Variants in WDPCP observed in about 807,000 individuals in gnomAD.
The protein encoded by WDPCP is WD repeat containing planar cell polarity effector.
Under a neutral mutation model 93.1 loss-of-function variants are expected in WDPCP, and 71 were observed. The ratio of observed to expected loss-of-function variants is 0.76; its 90% CI spans 0.63 to 0.93. The LOEUF (loss-of-function observed/expected upper bound fraction) is 0.93, where lower values mean the gene tolerates loss of function less well. Among genes scored for constraint, WDPCP ranks in the 40% least tolerant of loss-of-function variants. The pLI, the probability that WDPCP is intolerant of heterozygous loss-of-function variation, is 0.00. For missense variants in WDPCP, 844 were observed against 887.4 expected, an observed-to-expected ratio of 0.95 and a Z score of 0.62; for synonymous variants, 315 against 315.0, an observed-to-expected ratio of 1.00 and a Z score of 0.00.
At chr2:63,530,070 T>C (rs1197111009) in intron 1 of WDPCP, among the ~76,000 whole-genome samples, 1 of 152,208 alleles carries the variant, frequency 6.6e-6, no homozygotes, top group East Asian at 1.9e-4. Flanking sequence ...TTTTATTGCA[T>C]CTGTTTGATT....
intron 1 of WDPCP, among the ~76,000 whole-genome samples, chr2:63,568,946 CAA>C (rs1707277328): frequency 1.3e-5 from 2 of 152,154 alleles, no homozygotes; most frequent in Admixed American, 6.5e-5. Flanking sequence ...GGTCTTTGAA[CAA>C]ATTTTGCTTC....
chr2:63,800,465 A>T (rs912839712), intron 2 of WDPCP, among the ~76,000 whole-genome samples: 8 of 152,204 alleles, frequency 5.3e-5, no homozygotes, highest in Non-Finnish European at 1.2e-4. Flanking sequence ...AGCATCAAGC[A>T]TAGTAAGGAG....
At chr2:63,468,495 C>T (rs1179386969) in intron 6 of WDPCP, among the ~76,000 whole-genome samples, 2 of 152,216 alleles carry the variant, frequency 1.3e-5, no homozygotes, top group Non-Finnish European at 2.9e-5. Flanking sequence ...CTCTTAGCAG[C>T]TTCTTCTGTT....
At chr2:63,737,878 A>C (rs78555673) in intron 2 of WDPCP, among the ~76,000 whole-genome samples, 433 of 152,326 alleles carry the variant, frequency 2.8e-3, no homozygotes, top group African/African-American at 9.9e-3. Flanking sequence ...TTTTTTAAGC[A>C]CACATGATTT....
At chr2:63,509,607 C>A (rs1255552126) in intron 1 of WDPCP, among the ~76,000 whole-genome samples, 1 of 151,886 alleles carries the variant, frequency 6.6e-6, no homozygotes, top group Admixed American at 6.6e-5. Context: ...GATAGAGACA[C>A]AAAAAACCCT....
chr2:63,232,235 C>G (rs577302176), intron 14 of WDPCP, among the ~76,000 whole-genome samples: 2 of 152,022 alleles, frequency 1.3e-5, no homozygotes, highest in Admixed American at 1.3e-4. Context: ...ACCCTAGAAG[C>G]AAACGTAGGA....
At chr2:63,594,214 T>C (rs1323223820) in intron 3 of WDPCP, 11 of 545,792 alleles carry the variant, frequency 2.0e-5, no homozygotes, top group Non-Finnish European at 3.6e-5. Flanking sequence ...ATCAACATTG[T>C]TGAGCCTATT....
intron 3 of WDPCP, among the ~76,000 whole-genome samples, chr2:63,616,302 A>T (rs1286994979): frequency 6.6e-6 from 1 of 152,140 alleles, no homozygotes; most frequent in Non-Finnish European, 1.5e-5. Context: ...TAAATGGAAA[A>T]GCCTTGAGCC....
intron 6 of WDPCP, among the ~76,000 whole-genome samples, chr2:63,466,257 A>G (rs982257933): frequency 1.3e-5 from 2 of 152,090 alleles, no homozygotes; most frequent in East Asian, 3.9e-4. Context: ...TTCATTTCAC[A>G]GTCACTTGTT....
intron 6 of WDPCP, among the ~76,000 whole-genome samples, chr2:63,456,278 G>A (rs1239690234): frequency 2.6e-5 from 4 of 152,044 alleles, no homozygotes; most frequent in East Asian, 1.9e-4. Context: ...TTAGCCAGGC[G>A]TGGTGGTGCA....
intron 1 of WDPCP, among the ~76,000 whole-genome samples, chr2:63,585,588 T>C (rs1708786715): frequency 6.6e-6 from 1 of 152,142 alleles, no homozygotes; most frequent in African/African-American, 2.4e-5. Flanking sequence ...GTAAAGTACA[T>C]ATTTCTAAAA....
intron 10 of WDPCP, among the ~76,000 whole-genome samples, chr2:63,383,114 T>A (rs563914110): frequency 6.6e-6 from 1 of 151,898 alleles, no homozygotes; most frequent in Non-Finnish European, 1.5e-5. Flanking sequence ...AATAAAATCA[T>A]TGAAAGGTGA....
In WDPCP at chr2:63,437,523, T is replaced by C. The variant is rs2105501110; in HGVS notation, c.531A>G (p.Ser177=). The change falls in exon 8 of 18, where the codon TCA becomes TCG. Residue 177 remains serine (S), a synonymous_variant. Transcript: ENST00000272321. Reference sequence around the variant, plus strand: ...AACATAGTTTGTTTTGTGCCAAAAATGATAAGATGATAAAACTGTCTGTGA... The same window carrying C: ...AACATAGTTTGTTTTGTGCCAAAAACGATAAGATGATAAAACTGTCTGTGA... The part of the protein sequence containing the change: ...ALLTDSFIIL[S]FLAQNKLCFI... 1.3e-6 allele frequency: 2 copies of C among 1,595,868 alleles called. No homozygotes were observed. The highest frequency in any genetic ancestry group is 1.7e-6 in the Non-Finnish European group (2 of 1,171,022).
At chr2:63,288,924 G>A (rs1684211067) in intron 13 of WDPCP, among the ~76,000 whole-genome samples, 1 of 151,944 alleles carries the variant, frequency 6.6e-6, no homozygotes, top group Non-Finnish European at 1.5e-5. Flanking sequence ...TACTCCCCAT[G>A]ACTAGATTTG....
chr2:63,325,077 A>G (rs193183570), intron 12 of WDPCP, among the ~76,000 whole-genome samples: 2 of 152,338 alleles, frequency 1.3e-5, no homozygotes, highest in African/African-American at 2.4e-5. Context: ...TGGAGGCATT[A>G]TTAAACCTGG....
At chr2:63,153,711 G>A in intron 15 of WDPCP, 137 bp from the exon 16 acceptor site, 2 of 544,066 alleles carry the variant, frequency 3.7e-6, no homozygotes, top group Non-Finnish European at 3.1e-6. Context: ...AAATTTCTTT[G>A]GAAACTTTCA....
At chr2:63,615,932 C>G (rs1709667453) in intron 3 of WDPCP, among the ~76,000 whole-genome samples, 5 of 152,272 alleles carry the variant, frequency 3.3e-5, no homozygotes, top group South Asian at 4.2e-4. Context: ...TGGAAGTTAC[C>G]TTGGTAATAA....
chr2:63,589,413 C>T (rs1248917431), upstream of WDPCP: 2 of 1,544,218 alleles, frequency 1.3e-6, no homozygotes, highest in Admixed American at 2.0e-5. Flanking sequence ...AGGTTGGGTC[C>T]TAACCCCTTT....
chr2:63,824,495 C>T (rs1671081312), intron 1 of WDPCP, among the ~76,000 whole-genome samples: 1 of 122,234 alleles, frequency 8.2e-6, no homozygotes, highest in Non-Finnish European at 1.6e-5. Context: ...CTGCTGTAAG[C>T]TGTGATCACG....
Sources: allele counts gnomAD v4.1 joint callset (sites outside exome capture counted in the v4.1 genomes callset), GRCh38; gene constraint gnomAD v4.1.1; transcripts MANE v1.5; gene names NCBI Gene and HGNC (gene_info 2026-07-23, HGNC 2026-07-21).